The following PPP1R12A variants were observed in gnomAD, a reference collection of about 807,000 sequenced individuals.
The protein encoded by PPP1R12A is myosin binding subunit.
A neutral mutation model predicts 139.6 loss-of-function variants in PPP1R12A; 19 were observed. That is an observed-to-expected ratio of 0.14 (90% CI 0.09 to 0.20). The LOEUF (loss-of-function observed/expected upper bound fraction) is 0.20, where lower values mean the gene tolerates loss of function less well. Among genes scored for constraint, PPP1R12A ranks in the 10% least tolerant of loss-of-function variants. The pLI is 1.00. For missense variants in PPP1R12A, 925 were observed against 1,211.5 expected (o/e 0.76, Z 3.51); for synonymous variants, 427 against 420.6 (o/e 1.02, Z -0.19).
chr12:79,891,191 A>G (rs762247720), intron 1 of PPP1R12A, among the ~76,000 whole-genome samples: 1 of 152,202 alleles, frequency 6.6e-6, no homozygotes, highest in Non-Finnish European at 1.5e-5. Context: ...TAAAAAATGA[A>G]GTTAAGAATA....
intron 2 of PPP1R12A, among the ~76,000 whole-genome samples, chr12:79,862,748 GA>G (rs1881487263): frequency 2.6e-5 from 4 of 151,940 alleles, no homozygotes; most frequent in African/African-American, 9.7e-5. Context: ...TGAAATAAAG[GA>G]AAAAGAGAAG....
chr12:79,896,706 A>G (rs1229717245), intron 1 of PPP1R12A, among the ~76,000 whole-genome samples: 1 of 152,128 alleles, frequency 6.6e-6, no homozygotes. Context: ...TCTCACTGTG[A>G]ATTGGCCCCC....
At chr12:79,827,235 C>T (rs113614773) in intron 5 of PPP1R12A, among the ~76,000 whole-genome samples, 89 of 152,218 alleles carry the variant, frequency 5.8e-4, no homozygotes, top group African/African-American at 2.1e-3. Context: ...ACAAACCAAT[C>T]ATTCCCCCAA....
chr12:79,869,455 C>A (rs4426188), intron 2 of PPP1R12A, among the ~76,000 whole-genome samples: 139,109 of 152,252 alleles, frequency 0.91, 63,852 homozygotes, highest in Middle Eastern at 0.95. Context: ...GAAGCATATA[C>A]ACAAACAACT....
chr12:79,796,418 A>T (rs978722507), intron 17 of PPP1R12A, among the ~76,000 whole-genome samples: 1 of 146,204 alleles, frequency 6.8e-6, no homozygotes, highest in African/African-American at 2.5e-5. Flanking sequence ...TTTCACAAAA[A>T]AACATTTAAA....
rs745962990 is a variant in PPP1R12A at position 79,796,901 on chromosome 12, G to A, written c.2342C>T (p.Ser781Phe). The A allele has an allele frequency of 3.1e-6, 5 of 1,612,664 alleles. No individual in the cohort carries two copies. In the East Asian group the frequency reaches 8.9e-5, roughly 29 times the overall value. ...PVSTSSSTTP[S>F]SSLSTMSSSL... is the part of the protein sequence containing the mutation. Reference sequence around the variant, plus strand: ...ACTGCTCATAGTAGAAAGTGAAGAGGATGGAGTGGTTGAACTTGAAGTTGA... The same window carrying A: ...ACTGCTCATAGTAGAAAGTGAAGAGAATGGAGTGGTTGAACTTGAAGTTGA... Residue 781 changes from serine (S) to phenylalanine (F), a missense_variant, in exon 17 of 25, where the codon TCC becomes TTC. Physicochemically the swap from Ser to Phe is radical, Grantham distance 155. This residue lies in a region of PPP1R12A where 315 missense variants were observed against 363.4 expected (regional missense o/e 0.87). Transcript: ENST00000450142.
At chr12:79,779,175 G>C (rs1049521126) in intron 23 of PPP1R12A, 1 of 533,582 alleles carries the variant, frequency 1.9e-6, no homozygotes, top group Non-Finnish European at 3.1e-6. Flanking sequence ...TTTTAAACTT[G>C]TTTCAAAGAG....
chr12:79,805,720 G>C lies in PPP1R12A; in HGVS notation c.1872C>G (p.Asp624Glu). 1 of 1,613,310 alleles carries C rather than the reference G, an allele frequency of 6.2e-7. No homozygotes were observed. Among genetic ancestry groups the C allele is most frequent in the Non-Finnish European group, 8.5e-7 (1 of 1,179,538 alleles). The change falls in exon 14 of 25, where the codon GAC (aspartate) becomes GAG (glutamate). Residue 624 changes from aspartate (D) to glutamate (E), a missense_variant. Physicochemically the swap from Asp to Glu is conservative, Grantham distance 45. This residue lies in a region of PPP1R12A where 403 missense variants were observed against 463.7 expected (regional missense o/e 0.87). Transcript: ENST00000450142. The stretch of plus-strand genomic sequence containing the variant: ...GAATGGTCACTGCCGTAGGAACACT[G>C]TCCTTTTCTTTCTCAGTACTATCCT... ...WAEDSTEKEKDSVPTAVTIPV... is the reference protein window; with the variant it reads ...WAEDSTEKEKESVPTAVTIPV...
upstream of PPP1R12A, chr12:79,935,319 G>C: frequency 9.6e-7 from 1 of 1,041,248 alleles, no homozygotes; most frequent in African/African-American, 1.7e-5. Flanking sequence ...AGAGGGAAGC[G>C]GGTGTGGCCC....
At chr12:79,817,312 A>C in intron 9 of PPP1R12A, 82 bp downstream of exon 9, 14 of 1,316,032 alleles carry the variant, frequency 1.1e-5, no homozygotes, top group Non-Finnish European at 1.3e-5. Context: ...GACTATAAAA[A>C]TTCAGAATTA....
At chr12:79,838,321 TC>T (rs2137178755) in intron 3 of PPP1R12A, among the ~76,000 whole-genome samples, 1 of 152,246 alleles carries the variant, frequency 6.6e-6, no homozygotes, top group East Asian at 1.9e-4. Flanking sequence ...AGCAAAGTGT[TC>T]AAAAGGAAGC....
intron 8 of PPP1R12A, among the ~76,000 whole-genome samples, chr12:79,818,057 A>T (rs1205534514): frequency 6.6e-6 from 1 of 152,302 alleles, no homozygotes; most frequent in African/African-American, 2.4e-5. Context: ...GCACAATATC[A>T]TCTTCTTGGA....
At chr12:79,867,390 C>T (rs1366821197) in intron 2 of PPP1R12A, among the ~76,000 whole-genome samples, 1 of 152,044 alleles carries the variant, frequency 6.6e-6, no homozygotes, top group African/African-American at 2.4e-5. Context: ...ATGGGTGTGG[C>T]ACACCATCAT....
At chr12:79,931,297 A>G (rs1169925289) in intron 1 of PPP1R12A, among the ~76,000 whole-genome samples, 1 of 152,218 alleles carries the variant, frequency 6.6e-6, no homozygotes, top group Non-Finnish European at 1.5e-5. Context: ...TGTATTTACT[A>G]TATTACTACT....
intron 22 of PPP1R12A, among the ~76,000 whole-genome samples, chr12:79,785,024 A>C (rs1465594823): frequency 2.6e-5 from 4 of 152,144 alleles, no homozygotes; most frequent in African/African-American, 9.7e-5. Context: ...TTTTATGTAT[A>C]CAGGCTCACT....
rs377610727 is a variant in PPP1R12A, at chr12:79,817,469, T to G, written c.1164A>C (p.Thr388=). 1 of 1,607,976 alleles carries G rather than the reference T, an allele frequency of 6.2e-7. No homozygotes were observed. The highest frequency in any genetic ancestry group is 2.2e-5 in the East Asian group (1 of 44,662). Residue 388 remains threonine, a synonymous_variant, in exon 9 of 25, where the codon ACA becomes ACC. Coordinates refer to ENST00000450142, the MANE Select transcript of PPP1R12A (RefSeq NM_002480.3). ...ASVTNANTSS[T]QAAPVAVTTP... is the part of the protein sequence containing the mutation. ...TTGTAACAGCTACAGGAGCTGCTTGTGTACTAGAAGTGTTGGCATTAGTTA... is the reference window on the plus strand; with the variant it reads ...TTGTAACAGCTACAGGAGCTGCTTGGGTACTAGAAGTGTTGGCATTAGTTA...
intron 1 of PPP1R12A, among the ~76,000 whole-genome samples, chr12:79,881,686 C>T (rs1463650593): frequency 2.0e-5 from 3 of 152,176 alleles, no homozygotes; most frequent in Non-Finnish European, 4.4e-5. Flanking sequence ...TAAACAATAG[C>T]GTTTCACTGT....
intron 1 of PPP1R12A, among the ~76,000 whole-genome samples, chr12:79,917,590 C>A (rs1317043060): frequency 6.6e-6 from 1 of 151,656 alleles, no homozygotes; most frequent in Non-Finnish European, 1.5e-5. Context: ...AATAACCCAA[C>A]CTTTCTGTAC....
At chr12:79,825,857 T>C (rs1029536100) in intron 5 of PPP1R12A, among the ~76,000 whole-genome samples, 1 of 151,696 alleles carries the variant, frequency 6.6e-6, no homozygotes, top group Non-Finnish European at 1.5e-5. Flanking sequence ...ATGCAGACAA[T>C]AAAAACAGTC....
Sources: gnomAD v4.1 joint callset for allele counts (sites outside exome capture counted in the v4.1 genomes callset) on GRCh38, gnomAD v4.1.1 for gene constraint, gnomAD v4.1.1 regional missense constraint, MANE v1.5 for transcripts, NCBI Gene and HGNC (gene_info 2026-07-23, HGNC 2026-07-21) for gene names.